Variants in RASGRF2 observed in about 807,000 individuals in gnomAD.
The protein encoded by RASGRF2 is Ras protein specific guanine nucleotide releasing factor 2, also known as ras-specific guanine nucleotide-releasing factor 2.
RASGRF2 carries 76 observed loss-of-function variants against 151.0 expected under a neutral mutation model. The ratio of observed to expected loss-of-function variants is 0.50; its 90% CI spans 0.42 to 0.61. The LOEUF (loss-of-function observed/expected upper bound fraction) is 0.61. Among genes scored for constraint, RASGRF2 ranks in the 20% least tolerant of loss-of-function variants. The pLI is 0.00. For synonymous variants in RASGRF2, 504 were observed against 566.5 expected (o/e 0.89, Z 1.57); for missense variants, 1,148 against 1,564.6 (o/e 0.73, Z 4.49).
intron 1 of RASGRF2, among the ~76,000 whole-genome samples, chr5:80,961,781 C>T (rs1015709154): frequency 6.6e-6 from 1 of 152,112 alleles, no homozygotes; most frequent in South Asian, 2.1e-4. Context: ...TTGCTGTGTG[C>T]TCATGGTCGC....
chr5:81,115,051 G>A lies in RASGRF2; in HGVS notation c.2470+1131G>A, dbSNP rs146468841. Among the ~76,000 whole-genome samples the A allele has an allele frequency of 1.8e-4, 27 of 152,258 alleles. No individual in the cohort carries two copies. In the East Asian group the frequency reaches 5.2e-3, roughly 29 times the overall value. ...AATTACAAACAGCTTTTAAAAAACTGTATAAGAACTGACTTATTGATAATA... is the reference window on the plus strand; with the variant it reads ...AATTACAAACAGCTTTTAAAAAACTATATAAGAACTGACTTATTGATAATA... On this transcript the variant is annotated intron_variant, in intron 15 of 26. Coordinates refer to ENST00000265080, the MANE Select transcript of RASGRF2 (RefSeq NM_006909.3).
chr5:81,025,046 C>T (rs974645008), intron 1 of RASGRF2, among the ~76,000 whole-genome samples: 7 of 152,310 alleles, frequency 4.6e-5, no homozygotes, highest in African/African-American at 1.4e-4. Flanking sequence ...TTTGGGGATG[C>T]TCCCCTTTCA....
At chr5:81,059,197 C>G (rs566740835) in intron 2 of RASGRF2, among the ~76,000 whole-genome samples, 1 of 151,010 alleles carries the variant, frequency 6.6e-6, no homozygotes, top group South Asian at 2.1e-4. Context: ...TCCTGGCTAA[C>G]ACGGTGAAAC....
chr5:81,011,013 T>A (rs1387698307), intron 1 of RASGRF2, among the ~76,000 whole-genome samples: 1 of 152,148 alleles, frequency 6.6e-6, no homozygotes. Flanking sequence ...TGAATATTTT[T>A]CACATCTTTA....
intron 1 of RASGRF2, among the ~76,000 whole-genome samples, chr5:81,017,607 C>T (rs930271574): frequency 6.6e-6 from 1 of 152,172 alleles, no homozygotes; most frequent in Non-Finnish European, 1.5e-5. Context: ...AAAGAATGAA[C>T]TTTAACGTAC....
Position 81,186,687 on chromosome 5 carries a change from C to T in RASGRF2, c.2793+6406C>T, listed in dbSNP as rs569298530. 1.2e-4 allele frequency among the ~76,000 whole-genome samples: 18 copies of T among 152,244 alleles called. No individual in the cohort carries two copies. The South Asian group carries it at 2.5e-3, about 21-fold the overall frequency. ...GTCTGAGGTAGAAGACAGGAATTAGCGGATCTCACAACCACACTCTAGTCA... is the reference window on the plus strand; with the variant it reads ...GTCTGAGGTAGAAGACAGGAATTAGTGGATCTCACAACCACACTCTAGTCA... On this transcript the variant is annotated intron_variant, in intron 18 of 26. Transcript: ENST00000265080.
intron 17 of RASGRF2, among the ~76,000 whole-genome samples, chr5:81,128,215 G>T (rs1047830675): frequency 6.6e-6 from 1 of 152,072 alleles, no homozygotes; most frequent in Admixed American, 6.5e-5. Flanking sequence ...GAGATCAATT[G>T]TACACCATGG....
intron 5 of RASGRF2, among the ~76,000 whole-genome samples, chr5:81,073,865 C>A (rs1291768367): frequency 5.9e-5 from 9 of 152,200 alleles, no homozygotes. Flanking sequence ...GATCTGCCTG[C>A]CTTGGCCTCC....
chr5:81,044,411 C>T (rs1014908404), intron 2 of RASGRF2, among the ~76,000 whole-genome samples: 6 of 151,802 alleles, frequency 4.0e-5, no homozygotes, highest in Admixed American at 3.9e-4. Flanking sequence ...GAGCAAGACT[C>T]CATCTAAAAA....
chr5:81,207,984 T>C (rs1334503984), intron 21 of RASGRF2, among the ~76,000 whole-genome samples: 3 of 152,252 alleles, frequency 2.0e-5, no homozygotes, highest in Non-Finnish European at 2.9e-5. Flanking sequence ...TGCTAAGGCT[T>C]AATGTTTTTA....
chr5:81,051,435 C>G (rs1323912565), intron 2 of RASGRF2, among the ~76,000 whole-genome samples: 1 of 152,152 alleles, frequency 6.6e-6, no homozygotes, highest in East Asian at 1.9e-4. Context: ...AATTTCGGAG[C>G]ATTTTCAACA....
chr5:81,070,640 G>C (rs145302883), intron 4 of RASGRF2, 59 bp downstream of exon 4: 2 of 1,463,890 alleles, frequency 1.4e-6, no homozygotes, highest in Non-Finnish European at 1.9e-6. Context: ...CTGTTCTATG[G>C]TGGTGTCTTT....
intron 2 of RASGRF2, among the ~76,000 whole-genome samples, chr5:81,066,621 T>G (rs1361492060): frequency 6.6e-6 from 1 of 152,222 alleles, no homozygotes; most frequent in East Asian, 1.9e-4. Flanking sequence ...CTCCTGTCTT[T>G]GCTTTTCTGA....
At chr5:81,069,002 G>A (rs1299701391) in intron 3 of RASGRF2, among the ~76,000 whole-genome samples, 2 of 152,216 alleles carry the variant, frequency 1.3e-5, no homozygotes, top group Admixed American at 1.3e-4. Context: ...GAGATTCAAA[G>A]AAGGGAATAG....
chr5:81,200,070 A>T (rs1755352802), intron 18 of RASGRF2, among the ~76,000 whole-genome samples: 1 of 151,872 alleles, frequency 6.6e-6, no homozygotes, highest in East Asian at 1.9e-4. Flanking sequence ...CAGGAGCTTG[A>T]GACCAGCCTG....
intron 17 of RASGRF2, 89 bp downstream of exon 17, chr5:81,127,252 G>A: frequency 1.5e-6 from 2 of 1,311,850 alleles, no homozygotes; most frequent in South Asian, 1.3e-5. Context: ...GAGACACTCG[G>A]CAGCTCTCAC....
chr5:81,007,499 T>C (rs1749310717), intron 1 of RASGRF2, among the ~76,000 whole-genome samples: 1 of 152,030 alleles, frequency 6.6e-6, no homozygotes, highest in African/African-American at 2.4e-5. Context: ...CACCAAGTGT[T>C]TAGAGAGCCC....
At chr5:81,024,837 T>C (rs1048461700) in intron 1 of RASGRF2, among the ~76,000 whole-genome samples, 1 of 152,210 alleles carries the variant, frequency 6.6e-6, no homozygotes, top group African/African-American at 2.4e-5. Flanking sequence ...AGTTTGGTGA[T>C]TAATATGTCC....
intron 12 of RASGRF2, among the ~76,000 whole-genome samples, chr5:81,097,485 A>T (rs1392570989): frequency 6.6e-6 from 1 of 152,244 alleles, no homozygotes; most frequent in Non-Finnish European, 1.5e-5. Flanking sequence ...GACCAAAAAT[A>T]AATGATAAGG....
Sources: gnomAD v4.1 joint callset for allele counts (sites outside exome capture counted in the v4.1 genomes callset) on GRCh38, gnomAD v4.1.1 for gene constraint, MANE v1.5 for transcripts, NCBI Gene and HGNC (gene_info 2026-07-23, HGNC 2026-07-21) for gene names.